SLC39A14: variants seen among roughly 807,000 people sequenced by gnomAD.
SLC39A14 encodes solute carrier family 39 member 14, also known as metal cation symporter ZIP14.
A neutral mutation model predicts 45.5 loss-of-function variants in SLC39A14; 19 were observed. The ratio of observed to expected loss-of-function variants is 0.42; its 90% confidence interval spans 0.29 to 0.61. The LOEUF (loss-of-function observed/expected upper bound fraction) is 0.61. Ranked by LOEUF, SLC39A14 falls within the 20% of genes least tolerant of loss-of-function variation. SLC39A14 has a pLI of 0.22. For missense variants in SLC39A14, 447 were observed against 616.5 expected, an observed-to-expected ratio of 0.73 and a Z score of 2.91; for synonymous variants, 264 against 251.3, an observed-to-expected ratio of 1.05 and a Z score of -0.48.
At chr8:22,384,744 T>TC (rs71544896) in intron 1 of SLC39A14, among the ~76,000 whole-genome samples, 1 of 117,290 alleles carries the variant, frequency 8.5e-6, no homozygotes, top group Admixed American at 9.3e-5. Flanking sequence ...GAGACTGTCT[T>TC]AAAAAAAAAA....
intron 1 of SLC39A14, chr8:22,393,322 G>GT: frequency 1.2e-6 from 1 of 803,106 alleles, no homozygotes; most frequent in Non-Finnish European, 1.5e-6. Context: ...GCGAGGGTTG[G>GT]TTTTCCAACT....
chr8:22,409,539 C>T (rs142433567), intron 3 of SLC39A14, among the ~76,000 whole-genome samples: 84 of 152,218 alleles, frequency 5.5e-4, no homozygotes, highest in African/African-American at 1.8e-3. Context: ...CGCGCCACCA[C>T]GCCCAGCTAA....
intron 1 of SLC39A14, among the ~76,000 whole-genome samples, chr8:22,403,389 C>T (rs1203093670): frequency 2.0e-5 from 3 of 151,964 alleles, no homozygotes; most frequent in South Asian, 2.1e-4. Context: ...AAGCGATTCT[C>T]CTGCCTCAGC....
chr8:22,387,098 G>A (rs1833833708), intron 1 of SLC39A14, among the ~76,000 whole-genome samples: 1 of 151,804 alleles, frequency 6.6e-6, no homozygotes, highest in South Asian at 2.1e-4. Flanking sequence ...GCTTGGGTCC[G>A]GGAGGTCAAG....
intron 3 of SLC39A14, chr8:22,410,058 C>A (rs772185861): frequency 2.7e-5 from 44 of 1,614,084 alleles, no homozygotes; most frequent in Non-Finnish European, 3.6e-5. Context: ...TCACTTACTT[C>A]ATCGCCCTGT....
intron 1 of SLC39A14, among the ~76,000 whole-genome samples, chr8:22,383,647 G>A (rs1483121481): frequency 6.6e-6 from 1 of 152,124 alleles, no homozygotes. Flanking sequence ...CCTGCAGGGA[G>A]GCTGGCCCTG....
chr8:22,414,741 A>C, intron 4 of SLC39A14, 39 bp from the exon 5 acceptor site: 2 of 1,578,528 alleles, frequency 1.3e-6, no homozygotes, highest in Non-Finnish European at 1.7e-6. Flanking sequence ...AAGATGCTTT[A>C]TTTTCTTTAA....
intron 1 of SLC39A14, chr8:22,404,434 A>T (rs890177199): frequency 4.2e-6 from 1 of 236,634 alleles, no homozygotes; most frequent in African/African-American, 2.4e-5. Flanking sequence ...CTCAAAAAAA[A>T]AAAAAAATCA....
At chr8:22,374,740 C>CTT (rs67116858) in intron 1 of SLC39A14, among the ~76,000 whole-genome samples, 2,577 of 103,790 alleles carry the variant, frequency 0.025, 131 homozygotes, top group African/African-American at 0.08. Flanking sequence ...CCAGCCTGCT[C>CTT]TTTTTTTTTT....
intron 3 of SLC39A14, among the ~76,000 whole-genome samples, chr8:22,409,407 A>G (rs1443663243): frequency 6.6e-6 from 1 of 151,266 alleles, no homozygotes; most frequent in Admixed American, 6.6e-5. Context: ...TTTGAGACAG[A>G]CTTTCGCTCT....
intron 4 of SLC39A14, among the ~76,000 whole-genome samples, chr8:22,412,836 C>A (rs987499374): frequency 6.6e-6 from 1 of 152,076 alleles, no homozygotes; most frequent in African/African-American, 2.4e-5. Context: ...CCCAGCTATT[C>A]GGGAGGCACA....
intron 1 of SLC39A14, among the ~76,000 whole-genome samples, chr8:22,404,251 C>T (rs555254682): frequency 3.2e-4 from 48 of 152,116 alleles, no homozygotes; most frequent in Middle Eastern, 3.4e-3. Flanking sequence ...TGATGAAACC[C>T]GATCTCTACT....
chr8:22,386,077 C>A (rs1346684553), intron 1 of SLC39A14, among the ~76,000 whole-genome samples: 1 of 151,400 alleles, frequency 6.6e-6, no homozygotes, highest in East Asian at 1.9e-4. Context: ...GTAGTTGGAA[C>A]TACAGGTGTG....
chr8:22,387,051 T>C (rs981676536), intron 1 of SLC39A14, among the ~76,000 whole-genome samples: 22 of 152,096 alleles, frequency 1.4e-4, no homozygotes, highest in African/African-American at 5.3e-4. Flanking sequence ...TGTGAACGTC[T>C]GGTCCTAGCT....
intron 1 of SLC39A14, among the ~76,000 whole-genome samples, chr8:22,375,491 C>CTTT (rs1006104218): frequency 6.9e-6 from 1 of 145,192 alleles, no homozygotes; most frequent in African/African-American, 2.5e-5. Flanking sequence ...ATGGCTGTAT[C>CTTT]TTTTTTTTTT....
chr8:22,380,026 A>G (rs1001612783), intron 1 of SLC39A14, among the ~76,000 whole-genome samples: 1 of 152,210 alleles, frequency 6.6e-6, no homozygotes, highest in African/African-American at 2.4e-5. Flanking sequence ...AAATTATTAC[A>G]TACCATTTAC....
Position 22,421,989 on chromosome 8 carries a change from C to G in SLC39A14, c.*2291C>G. 1.0e-6 allele frequency: 1 copy of G among 985,390 alleles called. No individual in the cohort carries two copies. The highest frequency in any genetic ancestry group is 1.2e-6 in the Non-Finnish European group (1 of 829,920). The allele number at this position is 985,390 out of a possible 1,614,324, so 61.0% of individuals were successfully genotyped here. The stretch of plus-strand genomic sequence containing the variant: ...AGTCCTAGTCGGAGCTTAGGAGGGG[C>G]GGAGACGCTCACATCGTCTGACTTG... On this transcript the variant is annotated 3_prime_UTR_variant, in exon 9 of 9. Transcript: ENST00000381237.
At chr8:22,392,109 T>A (rs539087134) in intron 1 of SLC39A14, among the ~76,000 whole-genome samples, 58 of 151,518 alleles carry the variant, frequency 3.8e-4, no homozygotes, top group African/African-American at 1.4e-3. Context: ...TAATGAGGAG[T>A]CCATAATAGC....
At chr8:22,419,433 C>T (rs1198035729) in intron 8 of SLC39A14, 119 bp from the exon 9 acceptor site, 4 of 952,180 alleles carry the variant, frequency 4.2e-6, no homozygotes, top group Admixed American at 2.2e-5. Context: ...AGCCGCTGCA[C>T]CTGGCCCTGA....
Sources: allele counts gnomAD v4.1 joint callset (sites outside exome capture counted in the v4.1 genomes callset), GRCh38; gene constraint gnomAD v4.1.1; transcripts MANE v1.5; gene names NCBI Gene and HGNC (gene_info 2026-07-23, HGNC 2026-07-21).